CEP112: variants seen among roughly 807,000 people sequenced by gnomAD.
The protein encoded by CEP112 is centrosomal protein of 112 kDa.
In CEP112, 127 loss-of-function variants were observed where a neutral mutation model predicts 153.0. That is an observed-to-expected ratio of 0.83 (90% CI 0.72 to 0.96). CEP112 has a LOEUF of 0.96. Among genes scored for constraint, CEP112 ranks in the 40% least tolerant of loss-of-function variants. The probability of loss-of-function intolerance (pLI) is 0.00; values close to 1 mark genes in which losing one functional copy is unlikely to be tolerated. For synonymous variants in CEP112, 358 were observed against 374.4 expected, an observed-to-expected ratio of 0.96 and a Z score of 0.51; for missense variants, 1,089 against 1,101.2, an observed-to-expected ratio of 0.99 and a Z score of 0.16.
intron 6 of CEP112, among the ~76,000 whole-genome samples, chr17:66,104,067 T>G (rs2068677218): frequency 6.6e-6 from 1 of 152,174 alleles, no homozygotes; most frequent in Non-Finnish European, 1.5e-5. Flanking sequence ...TCACAAGGAC[T>G]GCAAGTCCTA....
chr17:65,689,873 A>G (rs1316196561), intron 23 of CEP112, among the ~76,000 whole-genome samples: 2 of 152,148 alleles, frequency 1.3e-5, no homozygotes, highest in African/African-American at 4.8e-5. Context: ...ATGAACTAGA[A>G]AAAGAACTTG....
At chr17:66,075,325 G>A (rs2067450922) in intron 8 of CEP112, among the ~76,000 whole-genome samples, 1 of 152,120 alleles carries the variant, frequency 6.6e-6, no homozygotes, top group South Asian at 2.1e-4. Context: ...ATTAGAAAAT[G>A]GGAAAAGTCC....
chr17:65,701,603 T>C (rs543887197), intron 23 of CEP112, among the ~76,000 whole-genome samples: 6 of 152,162 alleles, frequency 3.9e-5, no homozygotes, highest in Non-Finnish European at 7.3e-5. Context: ...ACGACTCCTA[T>C]ACTCATCTCC....
chr17:65,975,698 A>G (rs1238936021), intron 17 of CEP112, among the ~76,000 whole-genome samples: 1 of 152,252 alleles, frequency 6.6e-6, no homozygotes, highest in African/African-American at 2.4e-5. Context: ...AAACAATTTA[A>G]AACTTTAAAT....
chr17:66,062,328 T>A (rs1247630208), intron 11 of CEP112, among the ~76,000 whole-genome samples: 1 of 150,926 alleles, frequency 6.6e-6, no homozygotes, highest in Non-Finnish European at 1.5e-5. Context: ...ATTATGGTTT[T>A]CTAATGCACA....
intron 6 of CEP112, among the ~76,000 whole-genome samples, chr17:66,128,100 G>C (rs995954282): frequency 1.3e-5 from 2 of 151,856 alleles, no homozygotes; most frequent in Non-Finnish European, 2.9e-5. Flanking sequence ...TCGGGAGTTC[G>C]AGACCAGCCT....
At chr17:66,030,203 T>A (rs1209162079) in intron 12 of CEP112, among the ~76,000 whole-genome samples, 180 bp from the exon 13 acceptor site, 1 of 152,212 alleles carries the variant, frequency 6.6e-6, no homozygotes, top group Non-Finnish European at 1.5e-5. Context: ...AAACAATGCA[T>A]ACTACCAGAA....
At chr17:65,912,464 C>T (rs776304060) in intron 19 of CEP112, among the ~76,000 whole-genome samples, 3 of 152,148 alleles carry the variant, frequency 2.0e-5, no homozygotes, top group Non-Finnish European at 2.9e-5. Context: ...CCCACCAGTG[C>T]ACCTTAGCAC....
intron 6 of CEP112, among the ~76,000 whole-genome samples, chr17:66,125,845 C>T (rs1207241378): frequency 1.3e-5 from 2 of 152,126 alleles, no homozygotes; most frequent in East Asian, 3.8e-4. Flanking sequence ...AAAATATTAT[C>T]AATTCAATTA....
At chr17:66,102,739 A>G (rs2068617516) in intron 6 of CEP112, among the ~76,000 whole-genome samples, 1 of 150,354 alleles carries the variant, frequency 6.7e-6, no homozygotes. Context: ...CAGAGCTTGC[A>G]CTGAGCCGAG....
intron 19 of CEP112, among the ~76,000 whole-genome samples, chr17:65,919,137 A>G (rs1029902218): frequency 6.6e-6 from 1 of 152,234 alleles, no homozygotes; most frequent in African/African-American, 2.4e-5. Context: ...CAGCCTCTGC[A>G]AGCTGGAAGT....
intron 24 of CEP112, among the ~76,000 whole-genome samples, chr17:65,674,537 CAGG>C (rs1238939295): frequency 6.6e-6 from 1 of 152,204 alleles, no homozygotes; most frequent in Non-Finnish European, 1.5e-5. Flanking sequence ...AGGGCTCACT[CAGG>C]AGGAGTGTCT....
intron 21 of CEP112, among the ~76,000 whole-genome samples, chr17:65,818,112 T>G (rs948191136): frequency 2.0e-5 from 3 of 151,880 alleles, no homozygotes; most frequent in African/African-American, 4.8e-5. Flanking sequence ...GAAGTTTAAC[T>G]GAACTAAACT....
intron 23 of CEP112, among the ~76,000 whole-genome samples, chr17:65,694,164 G>A: frequency 6.6e-6 from 1 of 152,136 alleles, no homozygotes; most frequent in East Asian, 1.9e-4. Context: ...ACTTCCTTAG[G>A]GAAGTTTCCT....
At chr17:65,862,794 T>A (rs2058352302) in intron 20 of CEP112, among the ~76,000 whole-genome samples, 1 of 152,156 alleles carries the variant, frequency 6.6e-6, no homozygotes, top group Admixed American at 6.5e-5. Context: ...TTCTTAAATT[T>A]TAGGACAATA....
intron 6 of CEP112, among the ~76,000 whole-genome samples, chr17:66,106,358 CAA>C (rs1480133756): frequency 6.6e-6 from 1 of 151,356 alleles, no homozygotes; most frequent in Non-Finnish European, 1.5e-5. Flanking sequence ...ATCAACAAAA[CAA>C]AAAGTTTCTT....
At chr17:65,748,923 C>T (rs2145226009) in intron 22 of CEP112, among the ~76,000 whole-genome samples, 1 of 152,326 alleles carries the variant, frequency 6.6e-6, no homozygotes, top group East Asian at 1.9e-4. Context: ...ATCTCACTCT[C>T]GGTCTGCTTC....
intron 21 of CEP112, among the ~76,000 whole-genome samples, chr17:65,809,935 G>A (rs185844266): frequency 3.0e-4 from 45 of 152,242 alleles, no homozygotes; most frequent in African/African-American, 6.3e-4. Flanking sequence ...TGGAGACCAC[G>A]ATGTTCTTCC....
At chr17:66,027,135 G>A (rs895286712) in intron 16 of CEP112, among the ~76,000 whole-genome samples, 11 of 152,304 alleles carry the variant, frequency 7.2e-5, no homozygotes, top group African/African-American at 2.2e-4. Flanking sequence ...CCAGCACTTT[G>A]GGAGGCCGAG....
Sources: allele counts gnomAD v4.1 joint callset (sites outside exome capture counted in the v4.1 genomes callset), GRCh38; gene constraint gnomAD v4.1.1; transcripts MANE v1.5; gene names NCBI Gene and HGNC (gene_info 2026-07-23, HGNC 2026-07-21).